PHACTR3: variants seen among roughly 807,000 people sequenced by gnomAD.
The protein encoded by PHACTR3 is phosphatase and actin regulator 3.
In PHACTR3, 16 loss-of-function variants were observed where a neutral mutation model predicts 66.8. The observed-to-expected ratio is 0.24, with a 90% CI of 0.16 to 0.36. The LOEUF is 0.36. Ranked by LOEUF, PHACTR3 falls within the 10% of genes least tolerant of loss-of-function variation. The probability of loss-of-function intolerance (pLI) is 1.00; values close to 1 mark genes in which losing one functional copy is unlikely to be tolerated. For synonymous variants in PHACTR3, 323 were observed against 292.1 expected, an observed-to-expected ratio of 1.11 and a Z score of -1.08; for missense variants, 647 against 719.9, an observed-to-expected ratio of 0.90 and a Z score of 1.16.
At chr20:59,610,758 T>C (rs2033822077) in intron 1 of PHACTR3, among the ~76,000 whole-genome samples, 1 of 152,136 alleles carries the variant, frequency 6.6e-6, no homozygotes, top group South Asian at 2.1e-4. Flanking sequence ...CTGTGGTCCT[T>C]TTGGCTGTGT....
chr20:59,724,117 C>T (rs985323099), intron 1 of PHACTR3, among the ~76,000 whole-genome samples: 7 of 152,256 alleles, frequency 4.6e-5, no homozygotes, highest in East Asian at 1.9e-4. Flanking sequence ...CGAGAGGTGG[C>T]GCCTGGGCTG....
intron 1 of PHACTR3, among the ~76,000 whole-genome samples, chr20:59,716,018 G>A (rs952910936): frequency 6.6e-6 from 1 of 152,126 alleles, no homozygotes; most frequent in Non-Finnish European, 1.5e-5. Flanking sequence ...ATTCCAGTTT[G>A]AGAGTGTGTG....
At chr20:59,716,263 T>TGTGTG (rs1173454515) in intron 1 of PHACTR3, among the ~76,000 whole-genome samples, 1 of 133,096 alleles carries the variant, frequency 7.5e-6, no homozygotes, top group Non-Finnish European at 1.6e-5. Context: ...TGTGTGTGTG[T>TGTGTG]TGTGACAGAG....
At chr20:59,758,402 T>G (rs1347956282) in intron 4 of PHACTR3, among the ~76,000 whole-genome samples, 1 of 152,204 alleles carries the variant, frequency 6.6e-6, no homozygotes, top group Admixed American at 6.5e-5. Flanking sequence ...TAAATTCACT[T>G]AAAGTAAAAT....
chr20:59,844,451 G>A (rs984541470), intron 11 of PHACTR3: 1 of 152,040 alleles, frequency 6.6e-6, no homozygotes, highest in Non-Finnish European at 1.5e-5. Context: ...AATGTAGTGC[G>A]TGTATATATG....
rs2039051767 is a variant in PHACTR3, at chr20:59,738,974, G to A, written c.119-4133G>A. ...TGGAGTCACAGTCTTGCTCCCATCT[G>A]GTGTCTGTAGGTGGAGGAAGGAAAG... is the stretch of plus-strand genomic sequence containing the variant. On this transcript the variant is annotated intron_variant, in intron 1 of 12. Coordinates refer to ENST00000371015, the MANE Select transcript of PHACTR3 (RefSeq NM_080672.5). This position sits in a 1 kb window ranked among gnomAD's most constrained non-coding sequence, Gnocchi z 4.4. Among the ~76,000 whole-genome samples, 1 of 152,032 alleles carries A rather than the reference G, an allele frequency of 6.6e-6. No homozygotes were observed.
Position 59,764,606 on chromosome 20 carries a change from C to T in PHACTR3, c.542-2580C>T, listed in dbSNP as rs753165898. On this transcript the variant is annotated intron_variant, in intron 4 of 12. Coordinates refer to ENST00000371015, the MANE Select transcript of PHACTR3 (RefSeq NM_080672.5). ...AGGTCAAACGTATGGAGGAAGGGGG[C>T]GGATGCTGGATACTGGTGTAATTGA... 5.3e-5 allele frequency among the ~76,000 whole-genome samples: 8 copies of T among 152,106 alleles called. No individual in the cohort carries two copies. In the East Asian group the frequency reaches 9.7e-4, roughly 18 times the overall value.
At chr20:59,703,709 G>A (rs1465040666) in intron 1 of PHACTR3, among the ~76,000 whole-genome samples, 1 of 152,036 alleles carries the variant, frequency 6.6e-6, no homozygotes, top group Non-Finnish European at 1.5e-5. Flanking sequence ...GTGTGAGTGT[G>A]TGTGTGTGTA....
At chr20:59,614,338 T>C (rs1293810493) in intron 1 of PHACTR3, among the ~76,000 whole-genome samples, 1 of 152,224 alleles carries the variant, frequency 6.6e-6, no homozygotes, top group Non-Finnish European at 1.5e-5. Context: ...TTAACCAGAA[T>C]GGCCACTGGG....
intron 1 of PHACTR3, among the ~76,000 whole-genome samples, chr20:59,671,136 A>G (rs2036183808): frequency 6.6e-6 from 1 of 152,150 alleles, no homozygotes; most frequent in African/African-American, 2.4e-5. Flanking sequence ...TTTAGCATCA[A>G]TTCCTGTCAT....
intron 1 of PHACTR3, among the ~76,000 whole-genome samples, chr20:59,614,888 ACT>A (rs1456711516): frequency 2.0e-5 from 3 of 151,946 alleles, no homozygotes; most frequent in African/African-American, 4.8e-5. Context: ...TCCTGGGGTG[ACT>A]CTGCGTTTCT....
At chr20:59,794,838 G>A (rs183254543) in intron 7 of PHACTR3, among the ~76,000 whole-genome samples, 16 of 152,208 alleles carry the variant, frequency 1.1e-4, no homozygotes, top group Non-Finnish European at 2.2e-4. Flanking sequence ...CATTGTGCAG[G>A]TAATTGTTCA....
At chr20:59,662,539 C>G (rs2426804) in intron 1 of PHACTR3, among the ~76,000 whole-genome samples, 34,941 of 152,082 alleles carry the variant, frequency 0.23, 4,868 homozygotes, top group East Asian at 0.55. Context: ...CTAATGGAGA[C>G]AGCACGTCTC....
intron 10 of PHACTR3, 28 bp from the exon 11 acceptor site, chr20:59,841,367 A>G: frequency 6.3e-7 from 1 of 1,597,848 alleles, no homozygotes; most frequent in East Asian, 2.2e-5. Context: ...GGCATGTGAT[A>G]CTTAACTATG....
At chr20:59,692,568 T>C (rs560185271) in intron 1 of PHACTR3, among the ~76,000 whole-genome samples, 1 of 152,352 alleles carries the variant, frequency 6.6e-6, no homozygotes, top group East Asian at 1.9e-4. Context: ...CCATTCTCTG[T>C]ACTCTGCATG....
intron 1 of PHACTR3, among the ~76,000 whole-genome samples, chr20:59,586,345 G>A (rs2033027433): frequency 6.6e-6 from 1 of 152,208 alleles, no homozygotes; most frequent in Non-Finnish European, 1.5e-5. Flanking sequence ...TGTATGAACT[G>A]CACATTCTCC....
chr20:59,765,400 G>A (rs1445307010), intron 4 of PHACTR3, among the ~76,000 whole-genome samples: 1 of 152,152 alleles, frequency 6.6e-6, no homozygotes, highest in Non-Finnish European at 1.5e-5. Flanking sequence ...CTCAGTTCAG[G>A]CCAACTTCAT....
At chr20:59,725,411 T>C (rs1035056938) in intron 1 of PHACTR3, among the ~76,000 whole-genome samples, 2 of 151,114 alleles carry the variant, frequency 1.3e-5, no homozygotes, top group African/African-American at 4.9e-5. Context: ...CGGTATGAGC[T>C]TAGGTGGGTG....
At chr20:59,708,911 CT>C (rs1175815371) in intron 1 of PHACTR3, among the ~76,000 whole-genome samples, 1 of 152,210 alleles carries the variant, frequency 6.6e-6, no homozygotes, top group Non-Finnish European at 1.5e-5. Context: ...ATTCCCTTCT[CT>C]GGGGGAAAGA....
Sources: allele counts gnomAD v4.1 joint callset (sites outside exome capture counted in the v4.1 genomes callset), GRCh38; gene constraint gnomAD v4.1.1; non-coding constraint Gnocchi (gnomAD v3.1); transcripts MANE v1.5; gene names NCBI Gene and HGNC (gene_info 2026-07-23, HGNC 2026-07-21).